Variants in MSRA observed in about 807,000 individuals in gnomAD.
MSRA encodes the protein methionine sulfoxide reductase A, also known as mitochondrial peptide methionine sulfoxide reductase.
Under a neutral mutation model 31.3 loss-of-function variants are expected in MSRA, and 54 were observed. That is an observed-to-expected ratio of 1.73 (90% CI 1.39 to 2.17). The LOEUF (loss-of-function observed/expected upper bound fraction) is 2.17. Among genes scored for constraint, MSRA ranks in the 30% most tolerant of loss-of-function variants. The probability of loss-of-function intolerance (pLI) is 0.00; values close to 1 mark genes in which losing one functional copy is unlikely to be tolerated. For synonymous variants in MSRA, 169 were observed against 116.5 expected, an observed-to-expected ratio of 1.45 and a Z score of -2.90; for missense variants, 507 against 300.9, an observed-to-expected ratio of 1.69 and a Z score of -5.07.
intron 1 of MSRA, among the ~76,000 whole-genome samples, chr8:10,122,093 C>G (rs17151132): frequency 0.033 from 5,009 of 152,174 alleles, 331 homozygotes; most frequent in Admixed American, 0.16. Context: ...ACATATCTGT[C>G]CTGTCACCAT....
chr8:10,333,753 C>A (rs564924558), intron 5 of MSRA, among the ~76,000 whole-genome samples: 34 of 151,450 alleles, frequency 2.2e-4, no homozygotes, highest in Non-Finnish European at 2.9e-5. Flanking sequence ...TCACGCTTGG[C>A]TTGCATCTCG....
intron 1 of MSRA, among the ~76,000 whole-genome samples, chr8:10,181,912 T>C (rs1806576749): frequency 6.6e-6 from 1 of 152,216 alleles, no homozygotes; most frequent in African/African-American, 2.4e-5. Context: ...ACTTCGTGAT[T>C]GGTGTGCATT....
intron 1 of MSRA, among the ~76,000 whole-genome samples, chr8:10,121,812 A>T (rs1801128148): frequency 6.6e-6 from 1 of 151,330 alleles, no homozygotes; most frequent in South Asian, 2.1e-4. Context: ...CTGGAACTAC[A>T]GGTGCACACC....
intron 1 of MSRA, among the ~76,000 whole-genome samples, chr8:10,167,540 G>A (rs185178926): frequency 7.9e-5 from 12 of 152,222 alleles, no homozygotes; most frequent in East Asian, 7.7e-4. Context: ...TGTGTGCGCC[G>A]CATGATAATA....
intron 1 of MSRA, among the ~76,000 whole-genome samples, chr8:10,057,810 A>G (rs1187158701): frequency 6.6e-6 from 1 of 152,212 alleles, no homozygotes; most frequent in Admixed American, 6.5e-5. Context: ...CTCCCTGGCC[A>G]TGCTTTCTGT....
At chr8:10,392,096 A>G (rs1806784134) in intron 5 of MSRA, among the ~76,000 whole-genome samples, 1 of 152,166 alleles carries the variant, frequency 6.6e-6, no homozygotes, top group African/African-American at 2.4e-5. Flanking sequence ...TCTTAGTGGA[A>G]GGCTCATCTC....
intron 5 of MSRA, among the ~76,000 whole-genome samples, chr8:10,350,857 C>A (rs1000048294): frequency 6.6e-6 from 1 of 152,254 alleles, no homozygotes; most frequent in Admixed American, 6.5e-5. Context: ...GCTGTCCCAG[C>A]CCTCTGCCTA....
At chr8:10,104,738 G>A (rs184221126) in intron 1 of MSRA, among the ~76,000 whole-genome samples, 2 of 152,198 alleles carry the variant, frequency 1.3e-5, no homozygotes, top group African/African-American at 2.4e-5. Context: ...CCAAAAGGGA[G>A]ACGGATATAA....
intron 3 of MSRA, among the ~76,000 whole-genome samples, chr8:10,263,596 C>G (rs1447737184): frequency 6.6e-6 from 1 of 152,178 alleles, no homozygotes; most frequent in Non-Finnish European, 1.5e-5. Context: ...AGTCTTCTCT[C>G]TTTTTTATTC....
At chr8:10,391,971 G>T (rs532075276) in intron 5 of MSRA, among the ~76,000 whole-genome samples, 2 of 152,320 alleles carry the variant, frequency 1.3e-5, no homozygotes, top group African/African-American at 4.8e-5. Flanking sequence ...CCAAAAGGTG[G>T]TATTTTAGGC....
intron 2 of MSRA, among the ~76,000 whole-genome samples, chr8:10,227,057 G>C (rs1174310778): frequency 6.6e-6 from 1 of 152,170 alleles, no homozygotes; most frequent in Non-Finnish European, 1.5e-5. Context: ...GTCCATCCCT[G>C]GGGAGCAGCT....
intron 1 of MSRA, among the ~76,000 whole-genome samples, chr8:10,084,864 C>G (rs1304808839): frequency 6.6e-6 from 1 of 150,728 alleles, no homozygotes; most frequent in Non-Finnish European, 1.5e-5. Context: ...AGAAATAAGT[C>G]TCGAGTTTAG....
intron 5 of MSRA, among the ~76,000 whole-genome samples, chr8:10,392,799 C>T (rs1354633325): frequency 2.7e-5 from 4 of 147,870 alleles, no homozygotes; most frequent in African/African-American, 1.0e-4. Flanking sequence ...GTAATCCCAG[C>T]ACTTTGGGAG....
At position 10,416,615 on chromosome 8, in the gene MSRA, A is replaced by G. The variant is rs562919675; in HGVS notation, c.544-11533A>G. Among the ~76,000 whole-genome samples the G allele has an allele frequency of 1.6e-3, 246 of 152,332 alleles. 1 individual carries two copies. The highest frequency in any genetic ancestry group is 1.9e-3 in the Non-Finnish European group (126 of 68,036). ...ACTTTCACTCACAGCTTACTGGCCA[A>G]AGCAGGTCCCGTGGGTGACCTGACT... On this transcript the variant is annotated intron_variant, in intron 5 of 5. Coordinates refer to ENST00000317173, the MANE Select transcript of MSRA (RefSeq NM_012331.5).
At chr8:10,334,540 G>C (rs1802907038) in intron 5 of MSRA, among the ~76,000 whole-genome samples, 1 of 152,152 alleles carries the variant, frequency 6.6e-6, no homozygotes, top group Non-Finnish European at 1.5e-5. Flanking sequence ...AATTCCCGTT[G>C]ATTGTGTCGC....
chr8:10,117,093 T>G (rs1226044644), intron 1 of MSRA, among the ~76,000 whole-genome samples: 1 of 152,214 alleles, frequency 6.6e-6, no homozygotes, highest in Non-Finnish European at 1.5e-5. Context: ...GGAGCATGCC[T>G]GAAATGGCAG....
chr8:10,270,734 T>G (rs1798989844), intron 3 of MSRA, among the ~76,000 whole-genome samples: 1 of 152,230 alleles, frequency 6.6e-6, no homozygotes, highest in Non-Finnish European at 1.5e-5. Flanking sequence ...ACAATATTCA[T>G]CATTAGCTCA....
Position 10,054,567 on chromosome 8 carries a change from C to G in MSRA, c.51C>G (p.Leu17=). The part of the protein sequence containing the change: ...RACQLLLLHS[L]FPVPRMGNSA... ...GCCAGCTCCTCCTCCTCCACAGCCT[C>G]TTTCCCGTCCCGAGGATGGGCAACT... is the stretch of plus-strand genomic sequence containing the variant. The change falls in exon 1 of 6, where the codon CTC becomes CTG. Residue 17 remains leucine, a synonymous_variant. Coordinates refer to ENST00000317173, the MANE Select transcript of MSRA (RefSeq NM_012331.5). 6.3e-7 allele frequency: 1 copy of G among 1,587,752 alleles called. No homozygotes were observed. Among genetic ancestry groups the G allele is most frequent in the Non-Finnish European group, 8.6e-7 (1 of 1,167,290 alleles).
At chr8:10,349,605 C>G (rs1190992426) in intron 5 of MSRA, among the ~76,000 whole-genome samples, 1 of 152,252 alleles carries the variant, frequency 6.6e-6, no homozygotes, top group Non-Finnish European at 1.5e-5. Flanking sequence ...TCCCCTGGCT[C>G]ATGCCTCAAT....
Sources: gnomAD v4.1 joint callset for allele counts (sites outside exome capture counted in the v4.1 genomes callset) on GRCh38, gnomAD v4.1.1 for gene constraint, MANE v1.5 for transcripts, NCBI Gene and HGNC (gene_info 2026-07-23, HGNC 2026-07-21) for gene names.